Variants in DHCR7 observed in about 807,000 individuals in gnomAD.
The protein encoded by DHCR7 is 7-DHC reductase.
DHCR7 carries 40 observed loss-of-function variants against 43.3 expected under a neutral mutation model. The observed-to-expected ratio is 0.92, with a 90% CI of 0.72 to 1.20. The LOEUF is 1.20. DHCR7 is among the 50% of genes most tolerant of loss of function. The pLI is 0.00. For missense variants in DHCR7, 608 were observed against 644.6 expected (o/e 0.94, Z 0.62); for synonymous variants, 298 against 271.4 (o/e 1.10, Z -0.96).
At chr11:71,437,602 C>A (rs1359893774) in intron 8 of DHCR7, among the ~76,000 whole-genome samples, 3 of 152,242 alleles carry the variant, frequency 2.0e-5, no homozygotes, top group Non-Finnish European at 4.4e-5. Flanking sequence ...CCGGCATCTG[C>A]CCTACTTTGC....
At chr11:71,434,258 C>T (rs551112658), downstream of DHCR7, among the ~76,000 whole-genome samples, 9 of 152,304 alleles carry the variant, frequency 5.9e-5, no homozygotes, top group South Asian at 2.1e-4. Context: ...GCCACGCACC[C>T]ACGGGCACCC....
chr11:71,439,935 G>T (rs1001081765), intron 6 of DHCR7, among the ~76,000 whole-genome samples: 5 of 152,160 alleles, frequency 3.3e-5, no homozygotes, highest in Non-Finnish European at 5.9e-5. Flanking sequence ...AACCACACTG[G>T]GGTTTTTTGG....
chr11:71,435,540 G>T lies in DHCR7; in HGVS notation c.1263C>A (p.Ala421=). 6.2e-7 allele frequency: 1 copy of T among 1,611,010 alleles called. No individual in the cohort carries two copies. The change falls in exon 9 of 9, where the codon GCC becomes GCA. Residue 421 remains alanine (A), a synonymous_variant. Transcript: ENST00000355527. The part of the protein sequence containing the change: ...DLMGSLAYCL[A]CGGGHLLPYF... Reference sequence around the variant, plus strand: ...AGGGCAGCAGGTGGCCGCCGCCACAGGCCAGGCAGTAGGCCAGGCTGCCCA... The same window carrying T: ...AGGGCAGCAGGTGGCCGCCGCCACATGCCAGGCAGTAGGCCAGGCTGCCCA...
In DHCR7 at chr11:71,435,582, G is replaced by T. The variant is rs1481450955; in HGVS notation, c.1221C>A (p.Asn407Lys). 3 of 1,611,316 alleles carry T rather than the reference G, an allele frequency of 1.9e-6. No individual in the cohort carries two copies. The highest frequency in any genetic ancestry group is 2.5e-6 in the Non-Finnish European group (3 of 1,179,888). The change falls in exon 9 of 9, where the codon AAC becomes AAA. Residue 407 changes from asparagine to lysine, a missense_variant. By Grantham distance (94) the Asn-to-Lys change is moderately conservative. Transcript: ENST00000355527. ...SGFWGVARHF[N>K]YVGDLMGSLA... ...GGCTGCCCATCAGGTCGCCGACGTAGTTGAAGTGGCGGGCCACGCCCCAGA... is the reference window on the plus strand; with the variant it reads ...GGCTGCCCATCAGGTCGCCGACGTATTTGAAGTGGCGGGCCACGCCCCAGA...
At chr11:71,446,255 C>A (rs1159557060) in intron 2 of DHCR7, among the ~76,000 whole-genome samples, 13 of 23,614 alleles carry the variant, frequency 5.5e-4, no homozygotes, top group East Asian at 2.4e-3. Context: ...GAAACCTTAC[C>A]AAATGAAAAA....
chr11:71,435,097 A>G lies in DHCR7; in HGVS notation c.*278T>C. On this transcript the variant is annotated 3_prime_UTR_variant, in exon 9 of 9. Transcript: ENST00000355527. Reference sequence around the variant, plus strand: ...GGTAAATTGTCTCCAAAGGACTAGTAAAGGTGACTGGGTCATCCTCCTGCC... The same window carrying G: ...GGTAAATTGTCTCCAAAGGACTAGTGAAGGTGACTGGGTCATCCTCCTGCC... 1 of 636,990 alleles carries G rather than the reference A, an allele frequency of 1.6e-6. No individual in the cohort carries two copies. Among genetic ancestry groups the G allele is most frequent in the East Asian group, 3.2e-5 (1 of 31,646 alleles). The allele number at this position is 636,990 out of a possible 1,614,324, so 39.5% of individuals were successfully genotyped here.
chr11:71,427,700 A>C (rs1342606024), downstream of DHCR7, among the ~76,000 whole-genome samples: 1 of 152,206 alleles, frequency 6.6e-6, no homozygotes, highest in East Asian at 1.9e-4. Context: ...ATGAGAGTAG[A>C]GTCTGGGGGA....
rs1311593181 is a variant in DHCR7 at position 71,444,170 on chromosome 11, C to T, written c.144G>A (p.Leu48=). Residue 48 remains leucine, a synonymous_variant, in exon 4 of 9, where the codon CTG becomes CTA. Transcript: ENST00000355527. The stretch of plus-strand genomic sequence containing the variant: ...AGTAGTAGACGATGAAGGGGGCGAA[C>T]AGCAGTAGGAAGATGACGCTCGCCA... ...FSLASVIFLL[L]FAPFIVYYFI... is the part of the protein sequence containing the mutation. 3.1e-6 allele frequency: 5 copies of T among 1,608,026 alleles called. No homozygotes were observed. The highest frequency in any genetic ancestry group is 4.5e-5 in the East Asian group (2 of 44,736).
rs149955941 is a variant in DHCR7 at position 71,441,673 on chromosome 11, C to T, written c.413-233G>A. On this transcript the variant is annotated intron_variant, in intron 5 of 8. Transcript: ENST00000355527. ...GAGTCCATCCTTTGGTTCTGCATCTCGTTAACTGGCCATAGGCTGAGTGAC... is the reference window on the plus strand; with the variant it reads ...GAGTCCATCCTTTGGTTCTGCATCTTGTTAACTGGCCATAGGCTGAGTGAC... 5.9e-5 allele frequency among the ~76,000 whole-genome samples: 9 copies of T among 152,250 alleles called. No homozygotes were observed. The East Asian group carries it at 1.4e-3, about 23-fold the overall frequency.
In DHCR7 at chr11:71,435,271, G is replaced by A; in HGVS notation, c.*104C>T. On this transcript the variant is annotated 3_prime_UTR_variant, in exon 9 of 9. Coordinates refer to ENST00000355527, the MANE Select transcript of DHCR7 (RefSeq NM_001360.3). Reference sequence around the variant, plus strand: ...GCTGGGCTCTCTCCAGTTTACAGATGAGGAAACTGAGGCTCCTCGAGTTGG... The same window carrying A: ...GCTGGGCTCTCTCCAGTTTACAGATAAGGAAACTGAGGCTCCTCGAGTTGG... The A allele has an allele frequency of 8.2e-7, 1 of 1,215,590 alleles. No individual in the cohort carries two copies. Among genetic ancestry groups the A allele is most frequent in the African/African-American group, 1.5e-5 (1 of 67,842 alleles). 75.3% of individuals were successfully genotyped at this position (1,215,590 alleles called of 1,614,324 possible).
chr11:71,443,063 T>C (rs113845968), intron 4 of DHCR7, among the ~76,000 whole-genome samples: 1 of 152,350 alleles, frequency 6.6e-6, no homozygotes, highest in Non-Finnish European at 1.5e-5. Flanking sequence ...ATGCAGCCTC[T>C]GTGACTGGCT....
chr11:71,438,969 G>C lies in DHCR7; in HGVS notation c.741C>G (p.Ala247=), dbSNP rs773485715. The part of the protein sequence containing the change: ...LFFNGRPGIV[A]WTLINLSFAA... ...CGAAGGACAGGTTGATGAGGGTCCA[G>C]GCGACGATCCCGGGGCGCCCATTGA... The change falls in exon 7 of 9, where the codon GCC becomes GCG. Residue 247 remains alanine (A), a synonymous_variant. Coordinates refer to ENST00000355527, the MANE Select transcript of DHCR7 (RefSeq NM_001360.3). The C allele has an allele frequency of 6.2e-7, 1 of 1,614,074 alleles. No individual in the cohort carries two copies. Among genetic ancestry groups the C allele is most frequent in the Non-Finnish European group, 8.5e-7 (1 of 1,180,052 alleles).
intron 2 of DHCR7, among the ~76,000 whole-genome samples, chr11:71,445,491 G>A (rs1023697339): frequency 2.0e-5 from 3 of 152,140 alleles, no homozygotes; most frequent in Admixed American, 2.0e-4. Context: ...CCTCCACTGG[G>A]TACTTTATTT....
chr11:71,429,207 G>A (rs911439210), intron 2 of DHCR7, among the ~76,000 whole-genome samples: 2 of 152,200 alleles, frequency 1.3e-5, no homozygotes, highest in Non-Finnish European at 2.9e-5. Flanking sequence ...GGGAGGTGGT[G>A]GGCATGGCTA....
downstream of DHCR7, among the ~76,000 whole-genome samples, chr11:71,432,619 C>G (rs1223215521): frequency 1.3e-5 from 2 of 152,206 alleles, no homozygotes; most frequent in African/African-American, 4.8e-5. Flanking sequence ...GAACTATGGT[C>G]ACCCACCATG....
rs777838196 is a variant in DHCR7, at chr11:71,435,424, T to C, written c.1379A>G (p.Glu460Gly). 1.2e-5 allele frequency: 20 copies of C among 1,612,736 alleles called. No individual in the cohort carries two copies. The Middle Eastern group carries it at 1.8e-3, about 146-fold the overall frequency. Residue 460 changes from glutamate to glycine, a missense_variant, in exon 9 of 9, where the codon GAG becomes GGG. Coordinates refer to ENST00000355527, the MANE Select transcript of DHCR7 (RefSeq NM_001360.3). ...RCASKYGRDW[E>G]RYTAAVPYRL... ...GTAAGGCACTGCGGCGGTGTAGCGC[T>C]CCCAGTCCCGGCCGTACTTGCTGGC...
At chr11:71,429,375 G>C (rs895026301) in intron 2 of DHCR7, among the ~76,000 whole-genome samples, 16 of 152,218 alleles carry the variant, frequency 1.1e-4, no homozygotes, top group African/African-American at 3.6e-4. Flanking sequence ...ACATTTTGAT[G>C]GGATAGTCTG....
chr11:71,435,412 G>A lies in DHCR7; in HGVS notation c.1391C>T (p.Ala464Val). The A allele has an allele frequency of 6.2e-7, 1 of 1,612,638 alleles. No homozygotes were observed. Among genetic ancestry groups the A allele is most frequent in the Non-Finnish European group, 8.5e-7 (1 of 1,180,000 alleles). The change falls in exon 9 of 9, where the codon GCC becomes GTC. Residue 464 changes from alanine to valine, a missense_variant. Transcript: ENST00000355527. Reference sequence around the variant, plus strand: ...AGGCAGCAGGCGGTAAGGCACTGCGGCGGTGTAGCGCTCCCAGTCCCGGCC... The same window carrying A: ...AGGCAGCAGGCGGTAAGGCACTGCGACGGTGTAGCGCTCCCAGTCCCGGCC... ...KYGRDWERYT[A>V]AVPYRLLPGI...
At chr11:71,429,437 G>A (rs1223863392), downstream of DHCR7, among the ~76,000 whole-genome samples, 1 of 152,202 alleles carries the variant, frequency 6.6e-6, no homozygotes, top group Non-Finnish European at 1.5e-5. Flanking sequence ...AGGGAGACAT[G>A]CGCTGAGGCT....
Sources: gnomAD v4.1 joint callset for allele counts (sites outside exome capture counted in the v4.1 genomes callset) on GRCh38, gnomAD v4.1.1 for gene constraint, MANE v1.5 for transcripts, NCBI Gene and HGNC (gene_info 2026-07-23, HGNC 2026-07-21) for gene names.